The following CRB1 variants were observed in gnomAD, a reference collection of about 807,000 sequenced individuals.
CRB1 encodes protein crumbs homolog 1.
CRB1 carries 83 observed loss-of-function variants against 120.0 expected under a neutral mutation model. The ratio of observed to expected loss-of-function variants is 0.69; its 90% CI spans 0.58 to 0.83. The LOEUF is 0.83. Ranked by LOEUF, CRB1 falls within the 40% of genes least tolerant of loss-of-function variation. The pLI, the probability that CRB1 is intolerant of heterozygous loss-of-function variation, is 0.00. For missense variants in CRB1, 1,699 were observed against 1,687.6 expected, an observed-to-expected ratio of 1.01 and a Z score of -0.12; for synonymous variants, 625 against 612.5, an observed-to-expected ratio of 1.02 and a Z score of -0.30.
Position 197,429,534 on chromosome 1 carries a change from C to T in CRB1, c.2762C>T (p.Ala921Val), listed in dbSNP as rs759124926. The change falls in exon 8 of 12, where the codon GCC becomes GTC. Residue 921 changes from alanine to valine, a missense_variant. Transcript: ENST00000367400. Reference protein sequence around the residue: ...CSCPALTSGKACEEVQWCGFS... With the variant: ...CSCPALTSGKVCEEVQWCGFS... Reference sequence around the variant, plus strand: ...TGTCCTGCCCTCACAAGTGGGAAAGCCTGTGAGGAGGTTCAGTGGTGTGGA... The same window carrying T: ...TGTCCTGCCCTCACAAGTGGGAAAGTCTGTGAGGAGGTTCAGTGGTGTGGA... 3.1e-6 allele frequency: 5 copies of T among 1,613,926 alleles called. No individual in the cohort carries two copies. The Admixed American group carries it at 8.3e-5, about 27-fold the overall frequency.
rs551204372 is a variant in CRB1 at position 197,268,452 on chromosome 1, C to T, written c.40C>T (p.Leu14Phe). The T allele has an allele frequency of 1.7e-5, 28 of 1,613,090 alleles. No individual in the cohort carries two copies. The South Asian group carries it at 2.7e-4, about 16-fold the overall frequency. The change falls in exon 1 of 12, where the codon CTC becomes TTC. Residue 14 changes from leucine (L) to phenylalanine (F), a missense_variant. By Grantham distance (22) the Leu-to-Phe change is conservative. Coordinates refer to ENST00000367400, the MANE Select transcript of CRB1 (RefSeq NM_201253.3). ...CATTAACTACCTTCTCATCTTCTAC[C>T]TCAGTTTCTCACTGCTTATCTACAT... is the stretch of plus-strand genomic sequence containing the variant. ...KNINYLLIFY[L>F]SFSLLIYIKN...
intron 2 of CRB1, among the ~76,000 whole-genome samples, chr1:197,329,632 T>G (rs1558058089): frequency 6.6e-6 from 1 of 152,234 alleles, no homozygotes; most frequent in Admixed American, 6.5e-5. Flanking sequence ...ATTACCAAGT[T>G]ACATGCTATT....
intron 5 of CRB1, among the ~76,000 whole-genome samples, chr1:197,389,391 C>A (rs959057926): frequency 3.3e-5 from 5 of 152,064 alleles, no homozygotes; most frequent in African/African-American, 1.2e-4. Context: ...ACATATGCTA[C>A]AACATAGATG....
At chr1:197,464,030 C>G (rs1423825090) in intron 11 of CRB1, among the ~76,000 whole-genome samples, 4 of 152,156 alleles carry the variant, frequency 2.6e-5, no homozygotes, top group Admixed American at 2.0e-4. Flanking sequence ...CTAAGAACTA[C>G]TTAATAAAAA....
At chr1:197,320,788 A>T (rs1357093418) in intron 1 of CRB1, among the ~76,000 whole-genome samples, 1 of 152,192 alleles carries the variant, frequency 6.6e-6, no homozygotes, top group East Asian at 1.9e-4. Context: ...TATCAAGTAA[A>T]GCACTCTTAT....
In CRB1 at chr1:197,431,862, G is replaced by A. The variant is rs567692209; in HGVS notation, c.2842+2248G>A. ...TATAAATCAATTTTCTAATTGACAG[G>A]TATGAACCCAGAATTCACTTTTACT... On this transcript the variant is annotated intron_variant, in intron 8 of 11. Coordinates refer to ENST00000367400, the MANE Select transcript of CRB1 (RefSeq NM_201253.3). Among the ~76,000 whole-genome samples the A allele has an allele frequency of 7.2e-5, 11 of 152,188 alleles. No homozygotes were observed. The South Asian group carries it at 2.3e-3, about 32-fold the overall frequency.
intron 2 of CRB1, among the ~76,000 whole-genome samples, chr1:197,341,146 G>A (rs1659431948): frequency 6.6e-6 from 1 of 152,144 alleles, no homozygotes; most frequent in Non-Finnish European, 1.5e-5. Context: ...AATTCAAGAT[G>A]GGATTTGGAT....
intron 3 of CRB1, among the ~76,000 whole-genome samples, chr1:197,346,128 T>A (rs1204275194): frequency 1.3e-5 from 2 of 152,196 alleles, no homozygotes; most frequent in Non-Finnish European, 2.9e-5. Flanking sequence ...TCTTTTATTC[T>A]CCTCACTTGA....
chr1:197,289,451 T>C (rs1266209353), intron 1 of CRB1, among the ~76,000 whole-genome samples: 2 of 151,774 alleles, frequency 1.3e-5, no homozygotes, highest in Non-Finnish European at 2.9e-5. Context: ...GTGATGTGCC[T>C]TGGTTGGGGA....
chr1:197,259,818 C>A, the CRB1 span, among the ~76,000 whole-genome samples: 2 of 152,152 alleles, frequency 1.3e-5, no homozygotes, highest in Non-Finnish European at 2.9e-5. Context: ...AGAAAACTAT[C>A]TGGAAGATAA....
At chr1:197,326,499 TG>T (rs1658497763) in intron 1 of CRB1, among the ~76,000 whole-genome samples, 1 of 151,942 alleles carries the variant, frequency 6.6e-6, no homozygotes, top group Admixed American at 6.6e-5. Context: ...GGCATGGTGG[TG>T]GGCTTCTGTC....
intron 11 of CRB1, among the ~76,000 whole-genome samples, chr1:197,476,778 G>A (rs1667217599): frequency 6.6e-6 from 1 of 152,042 alleles, no homozygotes; most frequent in Non-Finnish European, 1.5e-5. Context: ...AGGTAAAAGA[G>A]TTTACTACTG....
chr1:197,423,086 T>A (rs1664416022), intron 6 of CRB1, among the ~76,000 whole-genome samples: 1 of 152,210 alleles, frequency 6.6e-6, no homozygotes, highest in Admixed American at 6.5e-5. Flanking sequence ...GAAATTATGC[T>A]GAGGCAATGT....
chr1:197,450,145 A>T (rs1426505886), intron 11 of CRB1, among the ~76,000 whole-genome samples: 1 of 152,050 alleles, frequency 6.6e-6, no homozygotes, highest in Non-Finnish European at 1.5e-5. Context: ...TTGCTATTCC[A>T]TCTGGATTTT....
the CRB1 span, among the ~76,000 whole-genome samples, chr1:197,227,621 A>G: frequency 4.2e-4 from 64 of 152,078 alleles, 1 homozygote; most frequent in African/African-American, 3.6e-4. Flanking sequence ...GCTGGCATTC[A>G]GTGTCTGTGG....
chr1:197,385,066 G>C (rs1662142687), intron 5 of CRB1, among the ~76,000 whole-genome samples: 1 of 152,074 alleles, frequency 6.6e-6, no homozygotes, highest in Non-Finnish European at 1.5e-5. Context: ...CAGCTAGTCA[G>C]CTAAGCTCAT....
intron 2 of CRB1, among the ~76,000 whole-genome samples, chr1:197,330,287 C>T (rs1235548889): frequency 6.6e-6 from 1 of 152,132 alleles, no homozygotes; most frequent in African/African-American, 2.4e-5. Flanking sequence ...GTGTGTACTA[C>T]TACACAACCT....
chr1:197,223,200 C>T, the CRB1 span: 3 of 1,164,890 alleles, frequency 2.6e-6, no homozygotes, highest in Non-Finnish European at 3.9e-6. Context: ...AACATGGATC[C>T]TGGATATGAT....
At chr1:197,229,065 G>A in the CRB1 span, among the ~76,000 whole-genome samples, 2 of 152,082 alleles carry the variant, frequency 1.3e-5, no homozygotes, top group Non-Finnish European at 2.9e-5. Context: ...GATGAGATTT[G>A]GGTGGAGACA....
Sources: gnomAD v4.1 joint callset for allele counts (sites outside exome capture counted in the v4.1 genomes callset) on GRCh38, gnomAD v4.1.1 for gene constraint, MANE v1.5 for transcripts, NCBI Gene and HGNC (gene_info 2026-07-23, HGNC 2026-07-21) for gene names.